Variants in NOB1 observed in about 807,000 individuals in gnomAD.
NOB1 encodes the protein NIN1 (RPN12) binding protein 1 homolog, also known as RNA-binding protein NOB1.
Under a neutral mutation model 44.8 loss-of-function variants are expected in NOB1, and 44 were observed. That is an observed-to-expected ratio of 0.98 (90% CI 0.77 to 1.26). The LOEUF (loss-of-function observed/expected upper bound fraction) is 1.26. Among genes scored for constraint, NOB1 ranks in the 50% most tolerant of loss-of-function variants. NOB1 has a pLI of 0.00. For synonymous variants in NOB1, 238 were observed against 218.7 expected, an observed-to-expected ratio of 1.09 and a Z score of -0.78; for missense variants, 560 against 544.8, an observed-to-expected ratio of 1.03 and a Z score of -0.28.
In NOB1 at chr16:69,754,821, T is replaced by G. The variant is rs755870121; in HGVS notation, c.63+27A>C. The G allele has an allele frequency of 2.5e-6, 4 of 1,606,718 alleles. No homozygotes were observed. In the Admixed American group the frequency reaches 6.8e-5, roughly 27 times the overall value. On this transcript the variant is annotated intron_variant, in intron 1 of 8. Coordinates refer to ENST00000268802, the MANE Select transcript of NOB1 (RefSeq NM_014062.3). ...GGGAGGGGCGGCCAGCCCAGATCTC[T>G]CTCGTCCCGGAGGGAGCTCCCCGTA...
intron 7 of NOB1, among the ~76,000 whole-genome samples, chr16:69,747,222 CAAAAAAAAAAAA>C (rs35257586): frequency 1.3e-5 from 1 of 78,604 alleles, no homozygotes; most frequent in South Asian, 5.2e-4. Flanking sequence ...ACCCTGTCTC[CAAAAAAAAAAAA>C]AAAAAAAAAG....
intron 3 of NOB1, among the ~76,000 whole-genome samples, 175 bp downstream of exon 3, chr16:69,752,064 CAA>C (rs60472175): frequency 7.2e-6 from 1 of 139,734 alleles, no homozygotes; most frequent in African/African-American, 2.6e-5. Context: ...GACTCTATCT[CAA>C]AAAAAAAAAA....
intron 7 of NOB1, among the ~76,000 whole-genome samples, chr16:69,745,645 G>A (rs1230861801): frequency 6.6e-6 from 1 of 152,206 alleles, no homozygotes; most frequent in Non-Finnish European, 1.5e-5. Flanking sequence ...CCCCACCTAT[G>A]CACTCAAGCC....
intron 7 of NOB1, among the ~76,000 whole-genome samples, chr16:69,746,471 G>T (rs962986312): frequency 6.6e-6 from 1 of 152,252 alleles, no homozygotes; most frequent in Non-Finnish European, 1.5e-5. Context: ...ACCAACTCAA[G>T]AGTCAGAAAA....
intron 7 of NOB1, among the ~76,000 whole-genome samples, chr16:69,747,353 C>T (rs184920206): frequency 6.6e-6 from 1 of 151,858 alleles, no homozygotes; most frequent in East Asian, 1.9e-4. Flanking sequence ...GCCTGGGCAA[C>T]ATCGTGAGAC....
intron 2 of NOB1, among the ~76,000 whole-genome samples, chr16:69,752,665 C>A (rs1216120539): frequency 6.6e-6 from 1 of 152,162 alleles, no homozygotes; most frequent in Admixed American, 6.5e-5. Flanking sequence ...TGGGGCCAGG[C>A]GTGGTGGCTC....
intron 8 of NOB1, among the ~76,000 whole-genome samples, chr16:69,744,441 G>A (rs1377917320): frequency 3.3e-5 from 5 of 152,144 alleles, no homozygotes; most frequent in Non-Finnish European, 5.9e-5. Flanking sequence ...TTTTACTGCT[G>A]GGAGAAGCCA....
rs1466698977 is a variant in NOB1 at position 69,749,128 on chromosome 16, C to T, written c.526-10G>A. ...CCTCACCTCTGTCAATCTGAAACAT[C>T]AACAGACCTTTCAAACTCCCAACCC... On this transcript the variant is annotated splice_polypyrimidine_tract_variant and intron_variant, in intron 5 of 8. Coordinates refer to ENST00000268802, the MANE Select transcript of NOB1 (RefSeq NM_014062.3). The T allele has an allele frequency of 7.4e-6, 12 of 1,614,090 alleles. No individual in the cohort carries two copies. In the African/African-American group the frequency reaches 8.0e-5, roughly 11 times the overall value.
chr16:69,749,207 C>G lies in NOB1; in HGVS notation c.525+6G>C, dbSNP rs746584583. On this transcript the variant is annotated splice_donor_region_variant and intron_variant, in intron 5 of 8. Transcript: ENST00000268802. ...GTCGTCAGAAGACCAAAAGTCAAGG[C>G]CTCACCAGCAGCTCCTGCAGTTCAT... The G allele has an allele frequency of 5.0e-6, 8 of 1,612,666 alleles. No homozygotes were observed. The highest frequency in any genetic ancestry group is 1.7e-6 in the Non-Finnish European group (2 of 1,179,344).
chr16:69,742,403 T>C lies in NOB1; in HGVS notation c.1168A>G (p.Ser390Gly), dbSNP rs192458406. ...CGTCTCCGCCCAGCTCCCAAGGTGC[T>C]GTCCCGGACCTGCAGGGTAGCTGAG... ...SRSATLQVRD[S>G]TLGAGRRRLN... The change falls in exon 9 of 9, where the codon AGC becomes GGC. Residue 390 changes from serine (S) to glycine (G), a missense_variant. Physicochemically the swap from Ser to Gly is moderately conservative, Grantham distance 56. Coordinates refer to ENST00000268802, the MANE Select transcript of NOB1 (RefSeq NM_014062.3). 67 of 1,614,280 alleles carry C rather than the reference T, an allele frequency of 4.2e-5. 1 individual carries two copies. The East Asian group carries it at 8.9e-4, about 21-fold the overall frequency.
chr16:69,746,078 G>A (rs549867201), intron 7 of NOB1, among the ~76,000 whole-genome samples: 1 of 152,374 alleles, frequency 6.6e-6, no homozygotes, highest in African/African-American at 2.4e-5. Flanking sequence ...GCCGCTCTGA[G>A]GAGTGGCTGG....
chr16:69,742,642 CCA>C (rs770934746), intron 8 of NOB1, 41 bp from the exon 9 acceptor site: 2 of 1,602,868 alleles, frequency 1.2e-6, no homozygotes, highest in African/African-American at 2.7e-5. Context: ...AGAAGGGGAG[CCA>C]CAGTCACACA....
chr16:69,749,088 C>G lies in NOB1; in HGVS notation c.556G>C (p.Glu186Gln), dbSNP rs1202379888. The change falls in exon 6 of 9, where the codon GAG becomes CAG. Residue 186 changes from glutamate (E) to glutamine (Q), a missense_variant. Physicochemically the swap from Glu to Gln is conservative, Grantham distance 29 (BLOSUM62 2). Coordinates refer to ENST00000268802, the MANE Select transcript of NOB1 (RefSeq NM_014062.3). ...AACCCGTTTTCTTCCTCCTCCTCCT[C>G]CTCACTTGGAACGTCCTCACCTCTG... ...IDRGEDVPSE[E>Q]EEEEENGFED... The G allele has an allele frequency of 2.5e-6, 4 of 1,614,260 alleles. No homozygotes were observed. Among genetic ancestry groups the G allele is most frequent in the Middle Eastern group, 1.6e-4 (1 of 6,062 alleles).
Position 69,748,939 on chromosome 16 carries a change from C to T in NOB1, c.705G>A (p.Leu235=), listed in dbSNP as rs1279172953. The T allele has an allele frequency of 1.2e-6, 2 of 1,609,990 alleles. No homozygotes were observed. Among genetic ancestry groups the T allele is most frequent in the East Asian group, 2.2e-5 (1 of 44,802 alleles). The change falls in exon 6 of 9, where the codon CTG becomes CTA. Residue 235 remains leucine (L), a synonymous_variant. Coordinates refer to ENST00000268802, the MANE Select transcript of NOB1 (RefSeq NM_014062.3). Reference sequence around the variant, plus strand: ...CCACCTGCATGGCGAAGTCTGTGGTCAGGCAGCCAACCCGCACGTCCTCGG... The same window carrying T: ...CCACCTGCATGGCGAAGTCTGTGGTTAGGCAGCCAACCCGCACGTCCTCGG... ...DVPEDVRVGC[L]TTDFAMQNVL...
Position 69,749,541 on chromosome 16 carries a change from G to A in NOB1, c.399+18C>T. ...TTCAGAAAAGAGCATGAACGGCCTG[G>A]CTTGTCTAAGAAATTACCTTGTAGG... On this transcript the variant is annotated intron_variant, in intron 4 of 8. Transcript: ENST00000268802. The A allele has an allele frequency of 6.2e-7, 1 of 1,606,948 alleles. No homozygotes were observed.
chr16:69,751,702 TG>T (rs1174160458), intron 3 of NOB1, among the ~76,000 whole-genome samples: 1 of 152,234 alleles, frequency 6.6e-6, no homozygotes, highest in Non-Finnish European at 1.5e-5. Flanking sequence ...TTAAGAGTCT[TG>T]ATCTTTAGAG....
In NOB1 at chr16:69,742,241, TG is replaced by T; in HGVS notation, c.*90del. ...AAGCCCGCCTGTTATTTCCATCGGG[TG>T]GTCCTGGAGACGACACGGCTGGGGA... On this transcript the variant is annotated 3_prime_UTR_variant, in exon 9 of 9. Coordinates refer to ENST00000268802, the MANE Select transcript of NOB1 (RefSeq NM_014062.3). The T allele has an allele frequency of 1.3e-6, 2 of 1,486,178 alleles. No homozygotes were observed. Among genetic ancestry groups the T allele is most frequent in the Non-Finnish European group, 1.8e-6 (2 of 1,093,168 alleles). 92.1% of individuals were successfully genotyped at this position (1,486,178 alleles called of 1,614,324 possible).
Position 69,744,885 on chromosome 16 carries a change from G to A in NOB1, c.957C>T (p.Pro319=), listed in dbSNP as rs767817700. The A allele has an allele frequency of 3.7e-6, 6 of 1,613,428 alleles. No homozygotes were observed. The highest frequency in any genetic ancestry group is 4.2e-6 in the Non-Finnish European group (5 of 1,179,974). Residue 319 remains proline, a synonymous_variant, in exon 8 of 9, where the codon CCC becomes CCT. Coordinates refer to ENST00000268802, the MANE Select transcript of NOB1 (RefSeq NM_014062.3). ...HFSRNPKVLN[P]RGLRYSLPTP... is the part of the protein sequence containing the mutation. ...AGGCGCCACTCACCCGGAGGCCGCG[G>A]GGGTTCAGCACCTTGGGGTTGCGGG...
At chr16:69,752,139 G>T in intron 3 of NOB1, 102 bp downstream of exon 3, 2 of 1,030,742 alleles carry the variant, frequency 1.9e-6, no homozygotes, top group Non-Finnish European at 3.0e-6. Context: ...TTGGAGGGGG[G>T]GATGATGGGA....
Sources: allele counts gnomAD v4.1 joint callset (sites outside exome capture counted in the v4.1 genomes callset), GRCh38; gene constraint gnomAD v4.1.1; transcripts MANE v1.5; gene names NCBI Gene and HGNC (gene_info 2026-07-23, HGNC 2026-07-21).